The following SPIRE1 variants were observed in gnomAD, a reference collection of about 807,000 sequenced individuals.
SPIRE1 encodes spire type actin nucleation factor 1.
Under a neutral mutation model 94.1 loss-of-function variants are expected in SPIRE1, and 40 were observed. The ratio of observed to expected loss-of-function variants is 0.43; its 90% CI spans 0.33 to 0.55. The LOEUF (loss-of-function observed/expected upper bound fraction) is 0.55. Ranked by LOEUF, SPIRE1 falls within the 20% of genes least tolerant of loss-of-function variation. The probability of loss-of-function intolerance (pLI) is 0.06; values close to 1 mark genes in which losing one functional copy is unlikely to be tolerated. For synonymous variants in SPIRE1, 376 were observed against 371.7 expected (o/e 1.01, Z -0.13); for missense variants, 838 against 975.2 (o/e 0.86, Z 1.87).
Position 12,452,515 on chromosome 18 carries a change from G to C in SPIRE1, c.1848-3C>G, listed in dbSNP as rs768302986. ...TGCAACACTGTGAGCACACCGGCCT[G>C]TAAACAAAATCATAAATGTTATTTG... On this transcript the variant is annotated splice_region_variant and splice_polypyrimidine_tract_variant and intron_variant, in intron 14 of 16. Coordinates refer to ENST00000409402, the MANE Select transcript of SPIRE1 (RefSeq NM_001128626.2). 6.2e-7 allele frequency: 1 copy of C among 1,613,830 alleles called. No individual in the cohort carries two copies. The highest frequency in any genetic ancestry group is 8.5e-7 in the Non-Finnish European group (1 of 1,180,030).
intron 8 of SPIRE1, among the ~76,000 whole-genome samples, chr18:12,487,478 G>C (rs915632818): frequency 1.3e-5 from 2 of 148,636 alleles, no homozygotes; most frequent in African/African-American, 5.0e-5. Context: ...GTGCAATCTC[G>C]GCTCACTACA....
At chr18:12,560,527 A>G (rs1349821912) in intron 2 of SPIRE1, among the ~76,000 whole-genome samples, 1 of 152,222 alleles carries the variant, frequency 6.6e-6, no homozygotes, top group African/African-American at 2.4e-5. Context: ...TGTGGGAGCT[A>G]AAAATTAAAA....
chr18:12,607,885 G>A (rs1042469111), intron 2 of SPIRE1, among the ~76,000 whole-genome samples: 20 of 152,152 alleles, frequency 1.3e-4, no homozygotes, highest in South Asian at 1.0e-3. Flanking sequence ...GGCCGGGCGT[G>A]GTGGCTCATG....
intron 4 of SPIRE1, among the ~76,000 whole-genome samples, chr18:12,530,442 T>C: frequency 6.6e-6 from 1 of 152,118 alleles, no homozygotes. Flanking sequence ...GAGATCATAG[T>C]TCACTGCAGC....
chr18:12,507,799 C>T (rs986691355), intron 5 of SPIRE1, among the ~76,000 whole-genome samples: 1 of 152,026 alleles, frequency 6.6e-6, no homozygotes, highest in African/African-American at 2.4e-5. Context: ...AAAGTCTCTA[C>T]TTGAGTGAAG....
At chr18:12,619,570 T>G (rs1283335584) in intron 2 of SPIRE1, among the ~76,000 whole-genome samples, 1 of 151,450 alleles carries the variant, frequency 6.6e-6, no homozygotes, top group Non-Finnish European at 1.5e-5. Context: ...AAACACAGGC[T>G]AGGCGCAGTG....
chr18:12,602,583 G>A (rs1022064858), intron 2 of SPIRE1, among the ~76,000 whole-genome samples: 3 of 152,076 alleles, frequency 2.0e-5, no homozygotes, highest in African/African-American at 4.8e-5. Flanking sequence ...ACTCTGTGGC[G>A]CAGAAACAGA....
chr18:12,661,462 C>T (rs2144935218), upstream of SPIRE1: 1 of 527,124 alleles, frequency 1.9e-6, no homozygotes, highest in South Asian at 8.3e-5. Flanking sequence ...CCCATTTTCT[C>T]ATTTTCAATT....
intron 1 of SPIRE1, among the ~76,000 whole-genome samples, chr18:12,645,882 T>TC (rs761146304): frequency 6.6e-6 from 1 of 152,078 alleles, no homozygotes; most frequent in Non-Finnish European, 1.5e-5. Context: ...CCCTTCTGAC[T>TC]CCGACTCCCA....
intron 2 of SPIRE1, among the ~76,000 whole-genome samples, chr18:12,600,871 C>T (rs35274681): frequency 0.074 from 11,167 of 151,630 alleles, 571 homozygotes; most frequent in Non-Finnish European, 0.11. Flanking sequence ...CCACAGTGTA[C>T]GCAACCACAC....
chr18:12,563,837 T>C (rs1323908482), intron 2 of SPIRE1, among the ~76,000 whole-genome samples: 2 of 152,146 alleles, frequency 1.3e-5, no homozygotes, highest in Non-Finnish European at 2.9e-5. Context: ...AAATATACTA[T>C]TAAAGCCAAA....
chr18:12,553,540 AG>A (rs2035418087), intron 2 of SPIRE1, among the ~76,000 whole-genome samples: 1 of 152,120 alleles, frequency 6.6e-6, no homozygotes, highest in Non-Finnish European at 1.5e-5. Flanking sequence ...CCATGGTTTG[AG>A]TGCTAGCTCA....
At chr18:12,471,323 A>T (rs1258285239) in intron 10 of SPIRE1, among the ~76,000 whole-genome samples, 1 of 151,936 alleles carries the variant, frequency 6.6e-6, no homozygotes, top group Non-Finnish European at 1.5e-5. Flanking sequence ...CTCACTGAAA[A>T]GTAATGATGC....
At chr18:12,634,935 CAAAA>C (rs35302137) in intron 2 of SPIRE1, 123 bp downstream of exon 2, 210 of 431,914 alleles carry the variant, frequency 4.9e-4, no homozygotes, top group South Asian at 6.0e-4. Context: ...AAGTCCATCT[CAAAA>C]AAAAAAAAAA....
chr18:12,556,555 G>A (rs898047555), intron 2 of SPIRE1, among the ~76,000 whole-genome samples: 7 of 152,194 alleles, frequency 4.6e-5, no homozygotes, highest in Admixed American at 1.3e-4. Context: ...GTTCAGATGC[G>A]TCCGGAGTTT....
intron 2 of SPIRE1, among the ~76,000 whole-genome samples, chr18:12,556,977 C>G (rs2035533594): frequency 6.6e-6 from 1 of 152,168 alleles, no homozygotes; most frequent in Admixed American, 6.5e-5. Context: ...TTACAGAGAG[C>G]TGATTGGTCT....
intron 2 of SPIRE1, among the ~76,000 whole-genome samples, chr18:12,560,716 G>A (rs1301767473): frequency 6.6e-6 from 1 of 152,096 alleles, no homozygotes; most frequent in East Asian, 1.9e-4. Flanking sequence ...GCCAGGCATG[G>A]TAGGATGTGT....
At chr18:12,626,888 T>TATA (rs1567976766) in intron 2 of SPIRE1, among the ~76,000 whole-genome samples, 1,186 of 45,646 alleles carry the variant, frequency 0.026, 5 homozygotes, top group Non-Finnish European at 0.046. Flanking sequence ...ATATATATAT[T>TATA]TTTTTTTTTT....
At chr18:12,451,843 A>T (rs1450881745) in intron 16 of SPIRE1, among the ~76,000 whole-genome samples, 1 of 152,240 alleles carries the variant, frequency 6.6e-6, no homozygotes, top group Non-Finnish European at 1.5e-5. Flanking sequence ...CCTTTACAAT[A>T]ATAGTAAAGT....
Sources: allele counts gnomAD v4.1 joint callset (sites outside exome capture counted in the v4.1 genomes callset), GRCh38; gene constraint gnomAD v4.1.1; transcripts MANE v1.5; gene names NCBI Gene and HGNC (gene_info 2026-07-23, HGNC 2026-07-21).